Variants in GRM8 observed in about 807,000 individuals in gnomAD.
GRM8 encodes the protein glutamate metabotropic receptor 8.
Under a neutral mutation model 87.2 loss-of-function variants are expected in GRM8, and 47 were observed. The ratio of observed to expected loss-of-function variants is 0.54; its 90% CI spans 0.43 to 0.69. The LOEUF (loss-of-function observed/expected upper bound fraction) is 0.69. Among genes scored for constraint, GRM8 ranks in the 30% least tolerant of loss-of-function variants. GRM8 has a pLI of 0.00. For synonymous variants in GRM8, 396 were observed against 404.5 expected (o/e 0.98, Z 0.25); for missense variants, 1,019 against 1,139.2 (o/e 0.89, Z 1.52).
rs141885652 is a variant in GRM8 at position 127,102,643 on chromosome 7, GCA to G, written c.727+3851_727+3852del. Among the ~76,000 whole-genome samples the G allele has an allele frequency of 5.2e-4, 79 of 152,332 alleles. No homozygotes were observed. The East Asian group carries it at 0.01, about 20-fold the overall frequency. ...TCCATATGGCATTAAGCCTGCAAGT[GCA>G]CAGAGTGAAAGAGTGATGAGGCTTG... On this transcript the variant is annotated intron_variant, in intron 3 of 10. Coordinates refer to ENST00000339582, the MANE Select transcript of GRM8 (RefSeq NM_000845.3).
At chr7:127,081,141 A>G (rs1250119503) in intron 3 of GRM8, among the ~76,000 whole-genome samples, 1 of 152,204 alleles carries the variant, frequency 6.6e-6, no homozygotes, top group Non-Finnish European at 1.5e-5. Flanking sequence ...CTAGAATAGC[A>G]CGAAAGGTCC....
chr7:126,998,676 A>G (rs1813417622), intron 3 of GRM8, among the ~76,000 whole-genome samples: 1 of 151,866 alleles, frequency 6.6e-6, no homozygotes, highest in Middle Eastern at 3.4e-3. Flanking sequence ...AGCTACAAAT[A>G]AAACGAAATA....
intron 3 of GRM8, among the ~76,000 whole-genome samples, chr7:127,042,757 A>G (rs997352683): frequency 2.6e-5 from 4 of 152,218 alleles, no homozygotes; most frequent in African/African-American, 9.7e-5. Flanking sequence ...GCCAAAATTG[A>G]CAAATGAGAT....
chr7:127,094,725 C>T (rs1385709011), intron 3 of GRM8, among the ~76,000 whole-genome samples: 1 of 152,092 alleles, frequency 6.6e-6, no homozygotes, highest in Non-Finnish European at 1.5e-5. Context: ...TTACAGCAGC[C>T]CTAGCAAACT....
intron 7 of GRM8, among the ~76,000 whole-genome samples, chr7:126,692,081 A>T (rs1336028194): frequency 1.3e-5 from 2 of 152,198 alleles, no homozygotes; most frequent in East Asian, 3.9e-4. Flanking sequence ...GCTGAAAAGA[A>T]AGAGAACTGG....
intron 9 of GRM8, among the ~76,000 whole-genome samples, chr7:126,466,905 A>C (rs892777286): frequency 1.3e-5 from 2 of 151,930 alleles, no homozygotes; most frequent in African/African-American, 4.8e-5. Flanking sequence ...TGCCCAGTTA[A>C]GTTGACACAA....
chr7:126,587,910 A>T (rs79676541), intron 8 of GRM8, among the ~76,000 whole-genome samples: 1 of 93,402 alleles, frequency 1.1e-5, no homozygotes, highest in African/African-American at 4.0e-5. Context: ...TCCCAAGATT[A>T]AAAAAAAAAA....
At position 126,494,834 on chromosome 7, in the gene GRM8, G is replaced by A. The variant is rs76225087; in HGVS notation, c.2430+38118C>T. On this transcript the variant is annotated intron_variant, in intron 9 of 10. Transcript: ENST00000339582. The stretch of plus-strand genomic sequence containing the variant: ...GTTTACTAAAATCACAAAATACAAC[G>A]CCTAAGAGTGTACAAAATACATTCC... Among the ~76,000 whole-genome samples the A allele has an allele frequency of 2.3e-3, 343 of 151,984 alleles. 4 individuals carry two copies. The East Asian group carries it at 0.032, about 14-fold the overall frequency.
intron 3 of GRM8, among the ~76,000 whole-genome samples, chr7:127,096,601 C>T (rs1824681147): frequency 6.6e-6 from 1 of 151,888 alleles, no homozygotes; most frequent in Admixed American, 6.6e-5. Flanking sequence ...TGAACACTAG[C>T]CATGAGCCAC....
At chr7:126,865,534 C>T (rs139778433) in intron 6 of GRM8, among the ~76,000 whole-genome samples, 6 of 152,140 alleles carry the variant, frequency 3.9e-5, no homozygotes, top group African/African-American at 1.4e-4. Context: ...GTTTTTATTA[C>T]CCAAAAAGAA....
At chr7:127,015,103 G>A (rs943347718) in intron 3 of GRM8, among the ~76,000 whole-genome samples, 9 of 127,516 alleles carry the variant, frequency 7.1e-5, no homozygotes, top group Non-Finnish European at 8.8e-5. Flanking sequence ...GAAGGAGAAG[G>A]AGAAGGAAGA....
chr7:126,694,773 G>A (rs772380256), intron 7 of GRM8, among the ~76,000 whole-genome samples: 3 of 152,180 alleles, frequency 2.0e-5, no homozygotes, highest in Non-Finnish European at 4.4e-5. Flanking sequence ...TATTAGTCTA[G>A]GTCAGTCAGA....
At chr7:126,864,928 T>C (rs1219009361) in intron 6 of GRM8, among the ~76,000 whole-genome samples, 4 of 152,188 alleles carry the variant, frequency 2.6e-5, no homozygotes, top group Non-Finnish European at 5.9e-5. Flanking sequence ...CACACTATTG[T>C]GAGCATAGTG....
At chr7:127,114,275 A>T (rs1826566117) in intron 2 of GRM8, among the ~76,000 whole-genome samples, 1 of 152,180 alleles carries the variant, frequency 6.6e-6, no homozygotes, top group South Asian at 2.1e-4. Flanking sequence ...TGCACAATGG[A>T]GTTTAACAAA....
intron 3 of GRM8, among the ~76,000 whole-genome samples, chr7:126,961,189 TG>T (rs2131682397): frequency 6.6e-6 from 1 of 152,194 alleles, no homozygotes; most frequent in East Asian, 1.9e-4. Context: ...AGGTTAAGCT[TG>T]GGAAAAAAAA....
intron 6 of GRM8, among the ~76,000 whole-genome samples, chr7:126,801,165 A>G (rs1042109282): frequency 2.0e-5 from 3 of 152,310 alleles, no homozygotes; most frequent in African/African-American, 7.2e-5. Context: ...CCTATTTTTC[A>G]CCTACTAATG....
intron 2 of GRM8, among the ~76,000 whole-genome samples, chr7:127,184,170 C>T (rs1262038247): frequency 6.6e-6 from 1 of 151,770 alleles, no homozygotes. Flanking sequence ...CAGAATTACC[C>T]TAACACCAGG....
At chr7:126,634,591 G>T (rs77326558) in intron 7 of GRM8, among the ~76,000 whole-genome samples, 1 of 151,962 alleles carries the variant, frequency 6.6e-6, no homozygotes. Context: ...GTACCAGAGC[G>T]CTTTCTAACA....
At chr7:127,081,811 C>T (rs895714703) in intron 3 of GRM8, among the ~76,000 whole-genome samples, 6 of 152,016 alleles carry the variant, frequency 3.9e-5, no homozygotes, top group East Asian at 3.9e-4. Flanking sequence ...TTCACCATCA[C>T]GGGTGGGAGG....
Sources: gnomAD v4.1 joint callset for allele counts (sites outside exome capture counted in the v4.1 genomes callset) on GRCh38, gnomAD v4.1.1 for gene constraint, MANE v1.5 for transcripts, NCBI Gene and HGNC (gene_info 2026-07-23, HGNC 2026-07-21) for gene names.